The following SYNPR variants were observed in gnomAD, a reference collection of about 807,000 sequenced individuals.
The protein encoded by SYNPR is synaptoporin.
SYNPR carries 23 observed loss-of-function variants against 32.9 expected under a neutral mutation model. The ratio of observed to expected loss-of-function variants is 0.70; its 90% CI spans 0.50 to 0.99. SYNPR has a LOEUF of 0.99. SYNPR is among the 50% of genes least tolerant of loss of function. The pLI, the probability that SYNPR is intolerant of heterozygous loss-of-function variation, is 0.00. For missense variants in SYNPR, 318 were observed against 349.3 expected (o/e 0.91, Z 0.71); for synonymous variants, 146 against 135.9 (o/e 1.07, Z -0.52).
intron 2 of SYNPR, among the ~76,000 whole-genome samples, chr3:63,463,037 A>G (rs909136080): frequency 2.6e-5 from 4 of 152,166 alleles, no homozygotes; most frequent in African/African-American, 9.7e-5. Context: ...TGGCCACTAC[A>G]AATCACAGTC....
intron 3 of SYNPR, among the ~76,000 whole-genome samples, chr3:63,492,406 G>A (rs998628542): frequency 6.6e-6 from 1 of 152,184 alleles, no homozygotes; most frequent in African/African-American, 2.4e-5. Flanking sequence ...CTTGACCTTG[G>A]CCAGGAACCT....
chr3:63,494,150 A>G (rs1701311485), intron 3 of SYNPR, among the ~76,000 whole-genome samples: 1 of 151,504 alleles, frequency 6.6e-6, no homozygotes, highest in African/African-American at 2.4e-5. Context: ...ATTTTTTGTT[A>G]TTTTCAAATT....
chr3:63,539,498 G>A (rs1702263440), intron 3 of SYNPR, among the ~76,000 whole-genome samples: 1 of 152,084 alleles, frequency 6.6e-6, no homozygotes, highest in African/African-American at 2.4e-5. Flanking sequence ...TATTCAGCAA[G>A]TAGTTATTGA....
intron 2 of SYNPR, among the ~76,000 whole-genome samples, chr3:63,474,622 G>A (rs1575663318): frequency 6.6e-6 from 1 of 151,974 alleles, no homozygotes; most frequent in African/African-American, 2.4e-5. Context: ...TGGCCATGGT[G>A]GAAATACTTG....
chr3:63,524,412 G>C (rs185100673), intron 3 of SYNPR, among the ~76,000 whole-genome samples: 1 of 152,266 alleles, frequency 6.6e-6, no homozygotes, highest in East Asian at 1.9e-4. Flanking sequence ...TGTCTTTCAG[G>C]ATGGCTACGA....
At chr3:63,599,554 A>T (rs903575744) in intron 4 of SYNPR, among the ~76,000 whole-genome samples, 4 of 152,198 alleles carry the variant, frequency 2.6e-5, no homozygotes, top group African/African-American at 9.7e-5. Flanking sequence ...AGCATATGGT[A>T]GGCTAGACCA....
At chr3:63,596,902 T>C (rs867124032) in intron 4 of SYNPR, among the ~76,000 whole-genome samples, 1 of 152,192 alleles carries the variant, frequency 6.6e-6, no homozygotes, top group Non-Finnish European at 1.5e-5. Flanking sequence ...CATGTGGTTA[T>C]TGAGCACTGA....
At position 63,385,538 on chromosome 3, in the gene SYNPR, G is replaced by T. The variant is rs571028855; in HGVS notation, c.85-95294G>T. 1.1e-4 allele frequency among the ~76,000 whole-genome samples: 16 copies of T among 152,290 alleles called. 1 individual carries two copies. In the South Asian group the frequency reaches 3.3e-3, roughly 32 times the overall value. On this transcript the variant is annotated intron_variant, in intron 2 of 5. Transcript: ENST00000478300. The stretch of plus-strand genomic sequence containing the variant: ...TTTGTGAAAATCTAATGAAACAATG[G>T]ATATGAACTCACTCAGCAAACTGGA...
At chr3:63,267,320 C>T (rs921502519) in exon 3 of SYNPR, 11 of 152,310 alleles carry the variant, frequency 7.2e-5, no homozygotes, top group Admixed American at 3.9e-4. Flanking sequence ...CTCTTAGGTT[C>T]TGCCTTAAAG....
At chr3:63,501,494 CAAAAAAAA>C (rs377290258) in intron 3 of SYNPR, among the ~76,000 whole-genome samples, 5 of 96,744 alleles carry the variant, frequency 5.2e-5, no homozygotes, top group Admixed American at 2.2e-4. Flanking sequence ...CTCCCCCAAC[CAAAAAAAA>C]AAAAAAAAAA....
chr3:63,480,884 G>A lies in SYNPR; in HGVS notation c.137G>A (p.Arg46Gln), dbSNP rs749200715. 4.0e-5 allele frequency: 64 copies of A among 1,613,514 alleles called. No individual in the cohort carries two copies. Among genetic ancestry groups the A allele is most frequent in the East Asian group, 8.9e-5 (4 of 44,866 alleles). ...ATCGGYSGGL[R>Q]LSVDCVNKTE... Reference sequence around the variant, plus strand: ...TGCGGTGGCTATTCTGGAGGCCTGCGGCTGAGTGTGGACTGCGTCAACAAG... The same window carrying A: ...TGCGGTGGCTATTCTGGAGGCCTGCAGCTGAGTGTGGACTGCGTCAACAAG... Residue 46 changes from arginine (R) to glutamine (Q), a missense_variant, in exon 3 of 6, where the codon CGG (arginine) becomes CAG (glutamine). By Grantham distance (43) the Arg-to-Gln change is conservative. Coordinates refer to ENST00000478300, the MANE Select transcript of SYNPR (RefSeq NM_001130003.2).
chr3:63,560,748 A>G (rs1702673408), intron 4 of SYNPR, among the ~76,000 whole-genome samples: 1 of 152,160 alleles, frequency 6.6e-6, no homozygotes, highest in Admixed American at 6.5e-5. Flanking sequence ...ACTACCAAAC[A>G]CTTATAAAAC....
the SYNPR span, among the ~76,000 whole-genome samples, chr3:63,206,197 G>A: frequency 4.6e-5 from 7 of 152,170 alleles, no homozygotes; most frequent in Admixed American, 4.6e-4. Flanking sequence ...TAAGATCTAT[G>A]GGGGATTCTT....
chr3:63,272,180 A>G (rs932323859), intron 3 of SYNPR, among the ~76,000 whole-genome samples: 2 of 152,166 alleles, frequency 1.3e-5, no homozygotes, highest in Non-Finnish European at 2.9e-5. Context: ...CTGCTGCCAG[A>G]TATTTTTCTG....
At chr3:63,393,091 G>A (rs80271136) in intron 2 of SYNPR, among the ~76,000 whole-genome samples, 2,679 of 152,186 alleles carry the variant, frequency 0.018, 65 homozygotes, top group African/African-American at 0.061. Context: ...ATAAGTCACT[G>A]AAAAATATAT....
chr3:63,547,452 C>T (rs1022068336), intron 3 of SYNPR, among the ~76,000 whole-genome samples: 13 of 152,062 alleles, frequency 8.5e-5, no homozygotes, highest in African/African-American at 2.9e-4. Context: ...GACTCTCTCC[C>T]CACATTTTGA....
intron 2 of SYNPR, among the ~76,000 whole-genome samples, chr3:63,265,443 G>T (rs1159544849): frequency 6.6e-6 from 1 of 151,862 alleles, no homozygotes; most frequent in African/African-American, 2.4e-5. Context: ...GTAGAGACGG[G>T]ATTTCACCAT....
At chr3:63,424,587 G>A (rs1451805531) in intron 2 of SYNPR, among the ~76,000 whole-genome samples, 1 of 152,036 alleles carries the variant, frequency 6.6e-6, no homozygotes. Context: ...TATCAAATGT[G>A]TTTGTTTTGA....
intron 2 of SYNPR, among the ~76,000 whole-genome samples, chr3:63,405,867 T>C (rs1353640185): frequency 6.6e-6 from 1 of 152,186 alleles, no homozygotes; most frequent in Non-Finnish European, 1.5e-5. Context: ...CTGGTTCCAA[T>C]AGCAATAATA....
Sources: gnomAD v4.1 joint callset for allele counts (sites outside exome capture counted in the v4.1 genomes callset) on GRCh38, gnomAD v4.1.1 for gene constraint, MANE v1.5 for transcripts, NCBI Gene and HGNC (gene_info 2026-07-23, HGNC 2026-07-21) for gene names.